DLGAP2: variants seen among roughly 807,000 people sequenced by gnomAD.
DLGAP2 encodes DLG associated protein 2.
In DLGAP2, 26 loss-of-function variants were observed where a neutral mutation model predicts 100.3. The ratio of observed to expected loss-of-function variants is 0.26; its 90% CI spans 0.19 to 0.36. The LOEUF is 0.36. Ranked by LOEUF, DLGAP2 falls within the 10% of genes least tolerant of loss-of-function variation. The pLI, the probability that DLGAP2 is intolerant of heterozygous loss-of-function variation, is 1.00. For synonymous variants in DLGAP2, 886 were observed against 630.1 expected, an observed-to-expected ratio of 1.41 and a Z score of -6.08; for missense variants, 1,858 against 1,453.2, an observed-to-expected ratio of 1.28 and a Z score of -4.53.
At chr8:1,685,128 G>T (rs1293637286) in intron 12 of DLGAP2, among the ~76,000 whole-genome samples, 3 of 151,302 alleles carry the variant, frequency 2.0e-5, no homozygotes, top group Admixed American at 6.6e-5. Flanking sequence ...CATCTTCCAT[G>T]CTGAGACAAA....
intron 5 of DLGAP2, among the ~76,000 whole-genome samples, chr8:1,552,039 G>A (rs1801786214): frequency 6.6e-6 from 1 of 152,020 alleles, no homozygotes; most frequent in Non-Finnish European, 1.5e-5. Flanking sequence ...GTCTGATTGT[G>A]TCTGTCAGTC....
intron 6 of DLGAP2, among the ~76,000 whole-genome samples, chr8:1,583,879 C>A (rs1180669608): frequency 2.0e-5 from 3 of 152,114 alleles, no homozygotes; most frequent in Non-Finnish European, 4.4e-5. Context: ...GTTCCCCTGA[C>A]AATTTTCTTC....
At chr8:788,772 C>T (rs1821947859) in intron 1 of DLGAP2, among the ~76,000 whole-genome samples, 1 of 152,196 alleles carries the variant, frequency 6.6e-6, no homozygotes, top group Non-Finnish European at 1.5e-5. Flanking sequence ...GCAGAAGTCA[C>T]TTATTTTCAC....
At chr8:833,345 G>A (rs1023269465) in intron 1 of DLGAP2, among the ~76,000 whole-genome samples, 1 of 152,186 alleles carries the variant, frequency 6.6e-6, no homozygotes, top group South Asian at 2.1e-4. Context: ...GAGTTCTGGA[G>A]GTCGGAAGTC....
At chr8:1,182,595 G>A (rs1797413515) in intron 2 of DLGAP2, among the ~76,000 whole-genome samples, 1 of 152,208 alleles carries the variant, frequency 6.6e-6, no homozygotes, top group Admixed American at 6.5e-5. Context: ...TAACAGAATT[G>A]TGTCACTAGG....
chr8:1,488,214 C>G (rs189325989), intron 3 of DLGAP2, among the ~76,000 whole-genome samples: 38 of 152,270 alleles, frequency 2.5e-4, no homozygotes, highest in Non-Finnish European at 1.3e-4. Context: ...TCCTCCACCC[C>G]CCTGCAAACT....
chr8:1,570,230 G>C (rs1335182208), intron 6 of DLGAP2, among the ~76,000 whole-genome samples: 2 of 152,234 alleles, frequency 1.3e-5, no homozygotes, highest in Non-Finnish European at 2.9e-5. Context: ...TCTTCATTCT[G>C]CTGGCCTCCA....
At chr8:1,485,117 C>T (rs891558261) in intron 3 of DLGAP2, among the ~76,000 whole-genome samples, 2 of 152,226 alleles carry the variant, frequency 1.3e-5, no homozygotes, top group Non-Finnish European at 2.9e-5. Context: ...CAGGAAGTTT[C>T]AGAAACAAGC....
chr8:1,471,818 C>T (rs373339156), intron 3 of DLGAP2, among the ~76,000 whole-genome samples: 12 of 152,172 alleles, frequency 7.9e-5, no homozygotes, highest in South Asian at 4.1e-4. Context: ...GGTGAAATCA[C>T]ATCAAACTCT....
chr8:1,606,710 T>A (rs1796811999), intron 6 of DLGAP2, among the ~76,000 whole-genome samples: 1 of 152,116 alleles, frequency 6.6e-6, no homozygotes. Flanking sequence ...TGAGATGAGG[T>A]CTCACTCTGT....
chr8:1,122,940 A>G (rs1012200961), intron 2 of DLGAP2, among the ~76,000 whole-genome samples: 1 of 152,210 alleles, frequency 6.6e-6, no homozygotes. Context: ...AGAACCTCAC[A>G]CAACAGGAGC....
chr8:1,529,434 T>G (rs148606658), intron 4 of DLGAP2, among the ~76,000 whole-genome samples: 2 of 152,286 alleles, frequency 1.3e-5, no homozygotes, highest in Admixed American at 1.3e-4. Context: ...ACAGATTATC[T>G]CAGTGGTGGC....
chr8:1,387,824 A>C (rs573063223), intron 3 of DLGAP2, among the ~76,000 whole-genome samples: 3 of 152,288 alleles, frequency 2.0e-5, no homozygotes, highest in Admixed American at 6.5e-5. Context: ...AAGGCATGAA[A>C]TTGTCCAGGA....
chr8:1,407,945 C>T (rs1455794118), intron 3 of DLGAP2, among the ~76,000 whole-genome samples: 1 of 152,190 alleles, frequency 6.6e-6, no homozygotes, highest in African/African-American at 2.4e-5. Flanking sequence ...GGGCTTCCAG[C>T]ATTTCCTTGT....
At chr8:1,232,446 G>T (rs1798556321) in intron 2 of DLGAP2, among the ~76,000 whole-genome samples, 1 of 152,344 alleles carries the variant, frequency 6.6e-6, no homozygotes, top group South Asian at 2.1e-4. Context: ...GACTACCAGG[G>T]TCAGGTGCAG....
chr8:811,768 G>A (rs113541261), intron 1 of DLGAP2, among the ~76,000 whole-genome samples: 34,124 of 150,786 alleles, frequency 0.23, 4,555 homozygotes, highest in Admixed American at 0.42. Flanking sequence ...GGCTCCTGCC[G>A]TGGTGAGAGG....
At chr8:1,307,362 GA>G (rs1800514508) in intron 3 of DLGAP2, among the ~76,000 whole-genome samples, 1 of 152,170 alleles carries the variant, frequency 6.6e-6, no homozygotes, top group Non-Finnish European at 1.5e-5. Context: ...ACAATGAAAA[GA>G]AAAGAACAGG....
chr8:800,889 C>G (rs986285138), intron 1 of DLGAP2, among the ~76,000 whole-genome samples: 2 of 152,138 alleles, frequency 1.3e-5, no homozygotes, highest in Non-Finnish European at 2.9e-5. Context: ...CAGCAATCCC[C>G]GGCCGTGCTG....
intron 2 of DLGAP2, among the ~76,000 whole-genome samples, chr8:1,213,075 T>A (rs532632983): frequency 6.6e-6 from 1 of 152,132 alleles, no homozygotes; most frequent in Non-Finnish European, 1.5e-5. Flanking sequence ...GTATCCAGCA[T>A]CTTAGCAAAC....
Sources: allele counts gnomAD v4.1 joint callset (sites outside exome capture counted in the v4.1 genomes callset), GRCh38; gene constraint gnomAD v4.1.1; transcripts MANE v1.5; gene names NCBI Gene and HGNC (gene_info 2026-07-23, HGNC 2026-07-21).